P4HB: variants seen among roughly 807,000 people sequenced by gnomAD.
P4HB encodes prolyl 4-hydroxylase subunit beta.
P4HB carries 20 observed loss-of-function variants against 52.6 expected under a neutral mutation model. That is an observed-to-expected ratio of 0.38 (90% CI 0.27 to 0.55). The LOEUF is 0.55. Ranked by LOEUF, P4HB falls within the 20% of genes least tolerant of loss-of-function variation. The pLI is 0.74. For missense variants in P4HB, 601 were observed against 669.2 expected (o/e 0.90, Z 1.12); for synonymous variants, 296 against 277.9 (o/e 1.07, Z -0.65).
In P4HB at chr17:81,846,423, C is replaced by T; in HGVS notation, c.1056+6G>A. The T allele has an allele frequency of 5.0e-6, 8 of 1,613,170 alleles. No individual in the cohort carries two copies. Among genetic ancestry groups the T allele is most frequent in the Non-Finnish European group, 5.9e-6 (7 of 1,179,984 alleles). ...AGGCAGCCCTGGCCCGGGGACGCGC[C>T]TGCACCTTGATTTTGCCCTCCAGGA... On this transcript the variant is annotated splice_donor_region_variant and intron_variant, in intron 7 of 10. Coordinates refer to ENST00000331483, the MANE Select transcript of P4HB (RefSeq NM_000918.4). This position sits in a 1 kb window ranked among gnomAD's most constrained non-coding sequence, Gnocchi z 5.7.
intron 4 of P4HB, among the ~76,000 whole-genome samples, chr17:81,848,820 G>A (rs1192005323): frequency 6.6e-6 from 1 of 151,282 alleles, no homozygotes; most frequent in Non-Finnish European, 1.5e-5. Flanking sequence ...TGAGGCAGGT[G>A]GATCACTTGA....
chr17:81,858,753 C>T lies in P4HB; in HGVS notation c.352+428G>A, dbSNP rs867266387. On this transcript the variant is annotated intron_variant, in intron 2 of 10. Coordinates refer to ENST00000331483, the MANE Select transcript of P4HB (RefSeq NM_000918.4). ...AAAAGCCCGCCTCACAGAGAGGATG[C>T]GAGGAGAAATCACGCAAGCACGTGA... 14 of 199,412 alleles carry T rather than the reference C, an allele frequency of 7.0e-5. 1 individual carries two copies. Among genetic ancestry groups the T allele is most frequent in the South Asian group, 3.9e-4 (5 of 12,868 alleles). The allele number at this position is 199,412 out of a possible 1,614,324, so 12.4% of individuals were successfully genotyped here. A position where few individuals can be genotyped will look rare whatever the true frequency, so the allele number is the denominator to read the frequency against.
intron 4 of P4HB, among the ~76,000 whole-genome samples, chr17:81,849,468 C>T (rs1323844875): frequency 6.6e-6 from 1 of 151,918 alleles, no homozygotes; most frequent in African/African-American, 2.4e-5. Flanking sequence ...TGCATTCGAG[C>T]CTGGCAACAG....
chr17:81,844,008 C>T lies in P4HB; in HGVS notation c.*4G>A, dbSNP rs186188916. 12 of 1,609,230 alleles carry T rather than the reference C, an allele frequency of 7.5e-6. No individual in the cohort carries two copies. The highest frequency in any genetic ancestry group is 2.7e-5 in the African/African-American group (2 of 74,934). On this transcript the variant is annotated 3_prime_UTR_variant, in exon 11 of 11. Transcript: ENST00000331483. ...TCGGCAGCGCCCGGGTCTGGCTTTG[C>T]GTATTACAGTTCATCTTTCACAGCT... is the stretch of plus-strand genomic sequence containing the variant.
In P4HB at chr17:81,845,888, T is replaced by C; in HGVS notation, c.1160A>G (p.Asn387Ser). Residue 387 changes from asparagine to serine, a missense_variant, in exon 8 of 11, where the codon AAC (asparagine) becomes AGC (serine). Coordinates refer to ENST00000331483, the MANE Select transcript of P4HB (RefSeq NM_000918.4). The part of the protein sequence containing the change: ...FEDVAFDEKK[N>S]VFVEFYAPWC... ...ACACTTACAGAACTCCACAAAGACG[T>C]TTTTTTTCTCATCAAAAGCCACGTC... 6.2e-7 allele frequency: 1 copy of C among 1,613,500 alleles called. No homozygotes were observed. The highest frequency in any genetic ancestry group is 8.5e-7 in the Non-Finnish European group (1 of 1,179,842).
At chr17:81,847,656 G>A (rs1467891394) in intron 4 of P4HB, 2 of 426,260 alleles carry the variant, frequency 4.7e-6, no homozygotes, top group Non-Finnish European at 8.7e-6. Context: ...CCTTTTCAGG[G>A]CACCCATGTG....
At position 81,860,223 on chromosome 17, in the gene P4HB, C is replaced by A. The variant is rs1489241402; in HGVS notation, c.145+104G>T. On this transcript the variant is annotated intron_variant, in intron 1 of 10. Transcript: ENST00000331483. ...AGCAAGGGAGCCCTTCAGTTCCGGG[C>A]GCGCCGGGGGTCCCGACCCCGGGGG... is the stretch of plus-strand genomic sequence containing the variant. 1.4e-5 allele frequency: 14 copies of A among 971,992 alleles called. No individual in the cohort carries two copies. In the East Asian group the frequency reaches 4.4e-4, roughly 30 times the overall value. 60.2% of individuals were successfully genotyped at this position (971,992 alleles called of 1,614,324 possible).
chr17:81,846,448 A>T lies in P4HB; in HGVS notation c.1037T>A (p.Phe346Tyr). The part of the protein sequence containing the change: ...AERITEFCHR[F>Y]LEGKIKPHLM... Reference sequence around the variant, plus strand: ...CTGCACCTTGATTTTGCCCTCCAGGAAGCGGTGGCAGAACTCTGTGATCCT... The same window carrying T: ...CTGCACCTTGATTTTGCCCTCCAGGTAGCGGTGGCAGAACTCTGTGATCCT... The change falls in exon 7 of 11, where the codon TTC (phenylalanine) becomes TAC (tyrosine). Residue 346 changes from phenylalanine to tyrosine, a missense_variant. Phe to Tyr is a conservative substitution (Grantham distance 22). Transcript: ENST00000331483. The surrounding 1 kb of genome is among the most constrained non-coding windows in gnomAD (Gnocchi z 5.7). The T allele has an allele frequency of 6.2e-7, 1 of 1,613,508 alleles. No homozygotes were observed. Among genetic ancestry groups the T allele is most frequent in the Non-Finnish European group, 8.5e-7 (1 of 1,180,018 alleles).
chr17:81,846,497 C>A lies in P4HB; in HGVS notation c.988G>T (p.Glu330Ter). 6.2e-7 allele frequency: 1 copy of A among 1,613,940 alleles called. No homozygotes were observed. Among genetic ancestry groups the A allele is most frequent in the Non-Finnish European group, 8.5e-7 (1 of 1,180,026 alleles). ...CTCTCTGCCGTCAGCTCCTCCGATT[C>A]GGGCTTGTACTTGGTCATCTCCTCC... is the stretch of plus-strand genomic sequence containing the variant. The part of the protein sequence containing the change: ...LEEEMTKYKP[E>*]SEELTAERIT... The change falls in exon 7 of 11, where the codon GAA (glutamate) becomes TAA (stop). Residue 330 changes from glutamate to a stop codon, truncating the protein, a stop_gained. Transcript: ENST00000331483. LOFTEE classifies it high-confidence loss of function. The surrounding 1 kb of genome is among the most constrained non-coding windows in gnomAD (Gnocchi z 5.7).
At chr17:81,853,997 G>C (rs2038875428) in intron 4 of P4HB, among the ~76,000 whole-genome samples, 1 of 152,238 alleles carries the variant, frequency 6.6e-6, no homozygotes, top group Admixed American at 6.5e-5. Flanking sequence ...GTAACGGGGA[G>C]AGGCGGCTAA....
chr17:81,858,257 CAAAAAAAAA>C (rs901002093), intron 2 of P4HB, among the ~76,000 whole-genome samples: 527 of 38,792 alleles, frequency 0.014, 12 homozygotes, highest in African/African-American at 0.037. Context: ...GAGACTGTCT[CAAAAAAAAA>C]AAAAAAAAAA....
In P4HB at chr17:81,846,875, C is replaced by T. The variant is rs2038743584; in HGVS notation, c.855+72G>A. On this transcript the variant is annotated intron_variant, in intron 6 of 10. Transcript: ENST00000331483. This position sits in a 1 kb window ranked among gnomAD's most constrained non-coding sequence, Gnocchi z 5.7. The stretch of plus-strand genomic sequence containing the variant: ...AGCAGGCAGCCTCAGGAAGGCCCCA[C>T]ACTTGTCACCTCGGGAAGAGTTGTA... The T allele has an allele frequency of 6.3e-7, 1 of 1,587,416 alleles. No individual in the cohort carries two copies. The highest frequency in any genetic ancestry group is 8.6e-7 in the Non-Finnish European group (1 of 1,161,004).
Position 81,846,468 on chromosome 17 carries a change from G to A in P4HB, c.1017C>T (p.Ile339=). Residue 339 remains isoleucine (I), a synonymous_variant, in exon 7 of 11, where the codon ATC becomes ATT. Coordinates refer to ENST00000331483, the MANE Select transcript of P4HB (RefSeq NM_000918.4). The surrounding 1 kb of genome is among the most constrained non-coding windows in gnomAD (Gnocchi z 5.7). ...PESEELTAER[I]TEFCHRFLEG... ...CCAGGAAGCGGTGGCAGAACTCTGT[G>A]ATCCTCTCTGCCGTCAGCTCCTCCG... 5 of 1,613,726 alleles carry A rather than the reference G, an allele frequency of 3.1e-6. No individual in the cohort carries two copies. In the South Asian group the frequency reaches 4.4e-5, roughly 14 times the overall value.
rs1328228929 is a variant in P4HB, at chr17:81,847,303, C to T, written c.669G>A (p.Glu223=). 3 of 1,614,056 alleles carry T rather than the reference C, an allele frequency of 1.9e-6. No individual in the cohort carries two copies. The highest frequency in any genetic ancestry group is 2.5e-6 in the Non-Finnish European group (3 of 1,180,046). ...RNNFEGEVTK[E]NLLDFIKHNQ... ...TGTGTTTGATAAAGTCCAGCAGGTT[C>T]TCCTTGGTGACCTCCCCTTCAAAGT... The change falls in exon 5 of 11, where the codon GAG becomes GAA. Residue 223 remains glutamate (E), a synonymous_variant. Coordinates refer to ENST00000331483, the MANE Select transcript of P4HB (RefSeq NM_000918.4).
chr17:81,844,065 C>G lies in P4HB; in HGVS notation c.1474G>C (p.Glu492Gln). The change falls in exon 11 of 11, where the codon GAG (glutamate) becomes CAG (glutamine). Residue 492 changes from glutamate to glutamine, a missense_variant. Transcript: ENST00000331483. ...TCATCGTCTTCCTCCATGTCTGGCT[C>G]CTCTGCTTCTTCCAGGTCCTCGAGA... ...DDLEDLEEAE[E>Q]PDMEEDDDQK... 6.2e-7 allele frequency: 1 copy of G among 1,613,716 alleles called. No homozygotes were observed. The highest frequency in any genetic ancestry group is 1.7e-5 in the Admixed American group (1 of 60,028).
rs759767318 is a variant in P4HB at position 81,860,339 on chromosome 17, G to A, written c.133C>T (p.Leu45=). The change falls in exon 1 of 11, where the codon CTG becomes TTG. Residue 45 remains leucine, a synonymous_variant. Coordinates refer to ENST00000331483, the MANE Select transcript of P4HB (RefSeq NM_000918.4). Reference sequence around the variant, plus strand: ...GCCCGGCGCTCACAGAACTCCACCAGCAGGTACTTGTGGGCCGCCAGCGCC... The same window carrying A: ...GCCCGGCGCTCACAGAACTCCACCAACAGGTACTTGTGGGCCGCCAGCGCC... ...AEALAAHKYL[L]VEFYAPWCGH... The A allele has an allele frequency of 1.1e-4, 167 of 1,469,430 alleles. No individual in the cohort carries two copies. The highest frequency in any genetic ancestry group is 1.7e-4 in the Middle Eastern group (1 of 5,784). 91.0% of individuals were successfully genotyped at this position (1,469,430 alleles called of 1,614,324 possible).
chr17:81,850,467 A>T (rs922363076), intron 4 of P4HB, among the ~76,000 whole-genome samples: 17 of 150,934 alleles, frequency 1.1e-4, no homozygotes, highest in African/African-American at 3.2e-4. Context: ...TATTTATTTA[A>T]TTTATTTTAT....
At chr17:81,856,590 G>A (rs570155662) in intron 2 of P4HB, among the ~76,000 whole-genome samples, 7 of 150,830 alleles carry the variant, frequency 4.6e-5, no homozygotes, top group South Asian at 2.1e-4. Context: ...CTGCCTCAGC[G>A]GTCTCCCAAA....
rs757231548 is a variant in P4HB at position 81,846,656 on chromosome 17, G to A, written c.856-27C>T. On this transcript the variant is annotated intron_variant, in intron 6 of 10. Coordinates refer to ENST00000331483, the MANE Select transcript of P4HB (RefSeq NM_000918.4). The surrounding 1 kb of genome is among the most constrained non-coding windows in gnomAD (Gnocchi z 5.7). ...TGGGGGAGAAAAGGAGGTTGCACAG[G>A]TGCGGGAGACGGCTGGCCTCTGCCT... The A allele has an allele frequency of 6.2e-7, 1 of 1,604,862 alleles. No individual in the cohort carries two copies. Among genetic ancestry groups the A allele is most frequent in the East Asian group, 2.2e-5 (1 of 44,810 alleles).
Sources: allele counts gnomAD v4.1 joint callset (sites outside exome capture counted in the v4.1 genomes callset), GRCh38; gene constraint gnomAD v4.1.1; non-coding constraint Gnocchi (gnomAD v3.1); transcripts MANE v1.5; gene names NCBI Gene and HGNC (gene_info 2026-07-23, HGNC 2026-07-21).